The following DMD variants were observed in gnomAD, a reference collection of about 807,000 sequenced individuals.
DMD encodes the protein dystrophin, also known as mutant dystrophin.
In DMD, 63 loss-of-function variants were observed where a neutral mutation model predicts 330.1. The observed-to-expected ratio is 0.19, with a 90% CI of 0.16 to 0.24. The LOEUF is 0.24. Ranked by LOEUF, DMD falls within the 10% of genes least tolerant of loss-of-function variation. The pLI is 1.00. For synonymous variants in DMD, 1,223 were observed against 959.8 expected, an observed-to-expected ratio of 1.27 and a Z score of -5.07; for missense variants, 3,344 against 2,684.1, an observed-to-expected ratio of 1.25 and a Z score of -5.43.
chrX:33,167,459 T>C (rs2049111179), intron 1 of DMD, among the ~76,000 whole-genome samples: 1 of 111,397 alleles, frequency 9.0e-6, no homozygotes, highest in Non-Finnish European at 1.9e-5. Flanking sequence ...AAATTAGACT[T>C]ATATGAAAGT....
intron 63 of DMD, among the ~76,000 whole-genome samples, chrX:31,249,228 C>A (rs931048214): frequency 1.8e-5 from 2 of 111,452 alleles, no homozygotes; most frequent in African/African-American, 6.5e-5. Context: ...ACTAGTACCA[C>A]CATCATTTAT....
chrX:31,973,891 C>T (rs776714463), intron 44 of DMD, among the ~76,000 whole-genome samples: 2 of 111,530 alleles, frequency 1.8e-5, no homozygotes, highest in South Asian at 7.5e-4. Context: ...TTGAACGGCA[C>T]TACAGATTCA....
At chrX:32,026,187 T>C (rs920256809) in intron 44 of DMD, among the ~76,000 whole-genome samples, 6 of 112,246 alleles carry the variant, frequency 5.3e-5, no homozygotes, top group Admixed American at 3.8e-4. Flanking sequence ...AATATTTTGT[T>C]AAATTTGATA....
chrX:32,438,924 C>A (rs867835871), intron 28 of DMD, among the ~76,000 whole-genome samples: 50 of 111,481 alleles, frequency 4.5e-4, no homozygotes, highest in Admixed American at 1.1e-3. Context: ...CATCCTCAAC[C>A]CTGAGTAACC....
intron 49 of DMD, among the ~76,000 whole-genome samples, chrX:31,831,765 ATTTTG>A (rs1385009766): frequency 1.8e-5 from 2 of 110,551 alleles, no homozygotes; most frequent in Non-Finnish European, 3.8e-5. Context: ...AGCCCGGCTA[ATTTTG>A]TTTTTGTATT....
At chrX:32,192,259 C>T (rs1004690739) in intron 44 of DMD, among the ~76,000 whole-genome samples, 2 of 111,795 alleles carry the variant, frequency 1.8e-5, no homozygotes, top group Non-Finnish European at 3.8e-5. Flanking sequence ...TGACACCATG[C>T]TTTCTACCAC....
At chrX:33,265,716 T>G (rs1044970402) in intron 1 of DMD, among the ~76,000 whole-genome samples, 1 of 111,356 alleles carries the variant, frequency 9.0e-6, no homozygotes, top group African/African-American at 3.2e-5. Context: ...TTTTATATCA[T>G]ACGTTCCAGG....
intron 1 of DMD, among the ~76,000 whole-genome samples, chrX:33,079,381 G>A (rs1181591277): frequency 8.9e-6 from 1 of 111,781 alleles, no homozygotes; most frequent in Non-Finnish European, 1.9e-5. Flanking sequence ...ACATTGTAGA[G>A]TAGCCAGAGT....
At chrX:31,264,163 G>T (rs906994128) in intron 62 of DMD, among the ~76,000 whole-genome samples, 1 of 112,091 alleles carries the variant, frequency 8.9e-6, no homozygotes, top group Admixed American at 9.4e-5. Context: ...CTTACTCTGT[G>T]CCTGCCTTCT....
chrX:33,084,170 G>C lies in DMD; in HGVS notation c.32-63970C>G, dbSNP rs58162554. On this transcript the variant is annotated intron_variant, in intron 1 of 78. Coordinates refer to ENST00000357033, the MANE Select transcript of DMD (RefSeq NM_004006.3). ...GTAACAGAGTCAGCCCCCAGTCCAA[G>C]AGAATTAGGCAGCCACTTGGGCTGC... 4.3e-3 allele frequency among the ~76,000 whole-genome samples: 488 copies of C among 112,217 alleles called. 5 individuals carry two copies. Among genetic ancestry groups the C allele is most frequent in the African/African-American group, 0.015 (471 of 30,918 alleles).
intron 44 of DMD, among the ~76,000 whole-genome samples, chrX:32,199,265 T>C (rs941529550): frequency 8.9e-6 from 1 of 112,005 alleles, no homozygotes; most frequent in African/African-American, 3.2e-5. Flanking sequence ...CAGATATTAA[T>C]AATTAGTAGT....
chrX:32,427,954 C>A (rs932728771), intron 29 of DMD, among the ~76,000 whole-genome samples: 1 of 111,185 alleles, frequency 9.0e-6, no homozygotes, highest in African/African-American at 3.3e-5. Context: ...GTAGTTATAA[C>A]ATTTTCATCC....
At position 32,893,668 on chromosome X, in the gene DMD, AT is replaced by A. The variant is rs1208101339; in HGVS notation, c.94-43849del. Among the ~76,000 whole-genome samples, 296 of 107,268 alleles carry A rather than the reference AT, an allele frequency of 2.8e-3. 2 individuals are homozygous for A. Among genetic ancestry groups the A allele is most frequent in the African/African-American group, 9.4e-3 (279 of 29,682 alleles). 93.1% of individuals were successfully genotyped at this position (107,268 alleles called of 115,157 possible). On this transcript the variant is annotated intron_variant, in intron 2 of 78. Transcript: ENST00000357033. ...CTTAAATATTGTAGTGGAGCTGGAAATTTTTTTTTTTAGGTATTTCTTCCAT... is the reference window on the plus strand; with the variant it reads ...CTTAAATATTGTAGTGGAGCTGGAAATTTTTTTTTTAGGTATTTCTTCCAT...
intron 61 of DMD, among the ~76,000 whole-genome samples, chrX:31,338,272 T>C (rs890680416): frequency 3.3e-5 from 3 of 89,892 alleles, no homozygotes; most frequent in Non-Finnish European, 6.3e-5. Context: ...GAGACCAGCC[T>C]GGCCAACCTA....
chrX:33,338,270 A>T (rs768015808), intron 1 of DMD, among the ~76,000 whole-genome samples: 78 of 110,616 alleles, frequency 7.1e-4, no homozygotes, highest in Middle Eastern at 4.7e-3. Flanking sequence ...AAAAGCATAA[A>T]TTGCTCCCCT....
At chrX:31,335,968 G>A (rs1415288236) in intron 61 of DMD, among the ~76,000 whole-genome samples, 1 of 112,435 alleles carries the variant, frequency 8.9e-6, no homozygotes, top group African/African-American at 3.2e-5. Context: ...GAATGTTAAT[G>A]TTCTCCTGAG....
chrX:31,251,652 G>T (rs1006006289), intron 63 of DMD, among the ~76,000 whole-genome samples: 3 of 112,296 alleles, frequency 2.7e-5, no homozygotes, highest in Non-Finnish European at 5.6e-5. Context: ...TTTTATGTGA[G>T]TGCTCTGACT....
chrX:32,519,310 T>C (rs1463125233), intron 17 of DMD, among the ~76,000 whole-genome samples: 7 of 100,130 alleles, frequency 7.0e-5, no homozygotes, highest in African/African-American at 2.5e-4. Flanking sequence ...CAGAAGACAA[T>C]GTTCATTTCC....
chrX:32,052,686 C>T lies in DMD; in HGVS notation c.6439-84172G>A, dbSNP rs191908852. ...GATTTCATTAGTTTAGTCAGGTAATCGAGAAACCTGCTTGAAATTAAGTGG... is the reference window on the plus strand; with the variant it reads ...GATTTCATTAGTTTAGTCAGGTAATTGAGAAACCTGCTTGAAATTAAGTGG... On this transcript the variant is annotated intron_variant, in intron 44 of 78. Transcript: ENST00000357033. Among the ~76,000 whole-genome samples the T allele has an allele frequency of 6.7e-4, 74 of 111,213 alleles. 1 individual carries two copies. The highest frequency in any genetic ancestry group is 5.9e-3 in the Admixed American group (62 of 10,428).
Sources: gnomAD v4.1 joint callset for allele counts (sites outside exome capture counted in the v4.1 genomes callset) on GRCh38, gnomAD v4.1.1 for gene constraint, MANE v1.5 for transcripts, NCBI Gene and HGNC (gene_info 2026-07-23, HGNC 2026-07-21) for gene names.